Variants in CCDC88A observed in about 807,000 individuals in gnomAD.
CCDC88A encodes the protein girdin.
CCDC88A carries 54 observed loss-of-function variants against 234.3 expected under a neutral mutation model. The ratio of observed to expected loss-of-function variants is 0.23; its 90% CI spans 0.19 to 0.29. The LOEUF (loss-of-function observed/expected upper bound fraction) is 0.29, where lower values mean the gene tolerates loss of function less well. CCDC88A is among the 10% of genes least tolerant of loss of function. The pLI is 1.00. For missense variants in CCDC88A, 1,832 were observed against 2,123.4 expected (o/e 0.86, Z 2.70); for synonymous variants, 753 against 737.8 (o/e 1.02, Z -0.33).
intron 2 of CCDC88A, among the ~76,000 whole-genome samples, chr2:55,396,393 T>A (rs1245905820): frequency 1.3e-5 from 2 of 152,216 alleles, no homozygotes; most frequent in Non-Finnish European, 2.9e-5. Context: ...CATCTATGAC[T>A]GTCTCCTATT....
chr2:55,364,601 T>C (rs1004875134), intron 5 of CCDC88A, among the ~76,000 whole-genome samples: 1 of 152,094 alleles, frequency 6.6e-6, no homozygotes, highest in Non-Finnish European at 1.5e-5. Context: ...CTAATAAATA[T>C]TTGATTTGTT....
Position 55,290,011 on chromosome 2 carries a change from ATGAG to A in CCDC88A, c.*1185_*1188del, listed in dbSNP as rs754755044. On this transcript the variant is annotated 3_prime_UTR_variant, in exon 33 of 33. Coordinates refer to ENST00000436346, the MANE Select transcript of CCDC88A (RefSeq NM_001365480.1). Reference sequence around the variant, plus strand: ...GATGTTAAATAATGAATTTGCATTAATGAGTATCAATGCATTTTTTGATTTCATA... The same window carrying A: ...GATGTTAAATAATGAATTTGCATTAATATCAATGCATTTTTTGATTTCATA... 26 of 152,722 alleles carry A rather than the reference ATGAG, an allele frequency of 1.7e-4. No individual in the cohort carries two copies. Among genetic ancestry groups the A allele is most frequent in the Non-Finnish European group, 1.6e-4 (11 of 67,974 alleles). The allele number at this position is 152,722 out of a possible 1,614,324, so 9.5% of individuals were successfully genotyped here.
intron 5 of CCDC88A, 56 bp downstream of exon 5, chr2:55,372,396 T>C (rs1672979290): frequency 1.2e-6 from 1 of 857,924 alleles, no homozygotes; most frequent in East Asian, 2.6e-5. Context: ...TACAGCCTGA[T>C]AAAAATATAT....
chr2:55,336,078 T>C (rs1448352720), intron 14 of CCDC88A, among the ~76,000 whole-genome samples: 1 of 152,024 alleles, frequency 6.6e-6, no homozygotes, highest in Non-Finnish European at 1.5e-5. Context: ...TGGTGGTGCA[T>C]GCCTGTAGTC....
intron 9 of CCDC88A, chr2:55,349,244 A>C (rs1221846742): frequency 8.3e-6 from 3 of 361,976 alleles, no homozygotes; most frequent in Non-Finnish European, 9.8e-6. Context: ...AAGGCCACAG[A>C]AGCCAAACAC....
intron 5 of CCDC88A, 85 bp downstream of exon 5, chr2:55,372,367 C>G: frequency 1.5e-6 from 1 of 669,868 alleles, no homozygotes; most frequent in Non-Finnish European, 2.6e-6. Flanking sequence ...AATGGTCCAT[C>G]CTTAAGTCTT....
intron 2 of CCDC88A, among the ~76,000 whole-genome samples, chr2:55,409,488 C>G (rs1680109434): frequency 6.6e-6 from 1 of 152,198 alleles, no homozygotes; most frequent in African/African-American, 2.4e-5. Flanking sequence ...TTTACATGCA[C>G]CTCCCCCTTA....
rs879787540 is a variant in CCDC88A, at chr2:55,419,300, G to C, written c.-221C>G. 12 of 530,122 alleles carry C rather than the reference G, an allele frequency of 2.3e-5. No homozygotes were observed. Among genetic ancestry groups the C allele is most frequent in the Non-Finnish European group, 3.7e-5 (11 of 295,276 alleles). 32.8% of individuals were successfully genotyped at this position (530,122 alleles called of 1,614,324 possible). ...GCTTCGACGACGGACACCACGAGCA[G>C]CAGCCTGCGCTGGAAATGTCTGTAC... On this transcript the variant is annotated 5_prime_UTR_variant, in exon 1 of 33. Coordinates refer to ENST00000436346, the MANE Select transcript of CCDC88A (RefSeq NM_001365480.1).
chr2:55,400,425 C>G (rs1179801960), intron 2 of CCDC88A, among the ~76,000 whole-genome samples: 2 of 152,154 alleles, frequency 1.3e-5, no homozygotes, highest in Non-Finnish European at 2.9e-5. Context: ...AGCAATATGG[C>G]TCAAATCTGT....
At chr2:55,406,304 A>T (rs1054432586) in intron 2 of CCDC88A, 3 of 152,236 alleles carry the variant, frequency 2.0e-5, no homozygotes, top group Non-Finnish European at 4.4e-5. Context: ...GAGAAAACTC[A>T]CCCCATTTTC....
rs1365115107 is a variant in CCDC88A at position 55,289,412 on chromosome 2, A to G, written c.*1788T>C. 1.3e-5 allele frequency: 2 copies of G among 152,582 alleles called. No individual in the cohort carries two copies. Among genetic ancestry groups the G allele is most frequent in the Non-Finnish European group, 2.9e-5 (2 of 68,022 alleles). 9.5% of individuals were successfully genotyped at this position (152,582 alleles called of 1,614,324 possible). A position where few individuals can be genotyped will look rare whatever the true frequency, so the allele number is the denominator to read the frequency against. On this transcript the variant is annotated 3_prime_UTR_variant, in exon 33 of 33. Coordinates refer to ENST00000436346, the MANE Select transcript of CCDC88A (RefSeq NM_001365480.1). Reference sequence around the variant, plus strand: ...GCAATTGTCTCTAGACTGCTCTGATACCTATTACCAATGTGCTACTTGAAT... The same window carrying G: ...GCAATTGTCTCTAGACTGCTCTGATGCCTATTACCAATGTGCTACTTGAAT...
In CCDC88A at chr2:55,335,162, A is replaced by C. The variant is rs761203439; in HGVS notation, c.1659T>G (p.Ile553Met). The change falls in exon 15 of 33, where the codon ATT (isoleucine) becomes ATG (methionine). Residue 553 changes from isoleucine (I) to methionine (M), a missense_variant and splice_region_variant. Ile to Met is a conservative substitution (Grantham distance 10). This residue lies in a region of CCDC88A where 1,282 missense variants were observed against 1,543.6 expected (regional missense o/e 0.83). Transcript: ENST00000436346. The surrounding 1 kb of genome is among the most constrained non-coding windows in gnomAD (Gnocchi z 4.5). ...GTTCATTTTCCTGTTCCAGTATCTTAATCTAATTTGAAAAGAAAATAATTA... is the reference window on the plus strand; with the variant it reads ...GTTCATTTTCCTGTTCCAGTATCTTCATCTAATTTGAAAAGAAAATAATTA... Reference protein sequence around the residue: ...ETLRENSERQIKILEQENEHL... With the variant: ...ETLRENSERQMKILEQENEHL... The C allele has an allele frequency of 2.7e-6, 4 of 1,466,126 alleles. No homozygotes were observed. The South Asian group carries it at 6.4e-5, about 23-fold the overall frequency. The allele number at this position is 1,466,126 out of a possible 1,614,324, so 90.8% of individuals were successfully genotyped here. A position where few individuals can be genotyped will look rare whatever the true frequency, so the allele number is the denominator to read the frequency against.
intron 23 of CCDC88A, among the ~76,000 whole-genome samples, chr2:55,310,713 G>T (rs1020933447): frequency 1.3e-5 from 2 of 152,200 alleles, no homozygotes; most frequent in African/African-American, 4.8e-5. Flanking sequence ...GATGCCTTGT[G>T]AACAGATGTT....
At chr2:55,356,421 C>T (rs1325364106) in intron 7 of CCDC88A, 2 of 147,042 alleles carry the variant, frequency 1.4e-5, no homozygotes, top group African/African-American at 5.4e-5. Flanking sequence ...GGGTTCATTC[C>T]ATGTCTTTAC....
intron 26 of CCDC88A, chr2:55,302,848 T>C (rs888593684): frequency 3.8e-5 from 13 of 341,188 alleles, no homozygotes; most frequent in South Asian, 1.7e-4. Context: ...GTAAGTTACA[T>C]GTATGACTAG....
intron 2 of CCDC88A, among the ~76,000 whole-genome samples, chr2:55,409,889 C>T (rs1423370953): frequency 1.3e-5 from 2 of 151,840 alleles, no homozygotes; most frequent in Non-Finnish European, 2.9e-5. Context: ...TACAGGGGCC[C>T]GCCAACATGC....
Position 55,334,340 on chromosome 2 carries a change from C to G in CCDC88A, c.2481G>C (p.Leu827=), listed in dbSNP as rs752154109. Residue 827 remains leucine, a synonymous_variant, in exon 15 of 33, where the codon CTG becomes CTC. Coordinates refer to ENST00000436346, the MANE Select transcript of CCDC88A (RefSeq NM_001365480.1). The surrounding 1 kb of genome is among the most constrained non-coding windows in gnomAD (Gnocchi z 6.1). ...NKSLEQETSQ[L]EKDKKQLEKE... is the part of the protein sequence containing the mutation. ...TCTCCAATTGTTTCTTATCCTTTTCCAGTTGAGAAGTCTCTTGCTCTAATG... is the reference window on the plus strand; with the variant it reads ...TCTCCAATTGTTTCTTATCCTTTTCGAGTTGAGAAGTCTCTTGCTCTAATG... The G allele has an allele frequency of 6.6e-7, 1 of 1,512,386 alleles. No individual in the cohort carries two copies. Among genetic ancestry groups the G allele is most frequent in the Non-Finnish European group, 8.8e-7 (1 of 1,137,778 alleles). The allele number at this position is 1,512,386 out of a possible 1,614,324, so 93.7% of individuals were successfully genotyped here.
At chr2:55,412,798 T>C (rs1680706102) in intron 2 of CCDC88A, among the ~76,000 whole-genome samples, 1 of 152,240 alleles carries the variant, frequency 6.6e-6, no homozygotes, top group Admixed American at 6.5e-5. Context: ...ACATACATTA[T>C]TCTATTTGAT....
chr2:55,340,637 A>G (rs1668356931), intron 12 of CCDC88A, among the ~76,000 whole-genome samples: 1 of 152,236 alleles, frequency 6.6e-6, no homozygotes, highest in Non-Finnish European at 1.5e-5. Flanking sequence ...GCAACTAATG[A>G]ACGATTAAAT....
Sources: gnomAD v4.1 joint callset for allele counts (sites outside exome capture counted in the v4.1 genomes callset) on GRCh38, gnomAD v4.1.1 for gene constraint, gnomAD v4.1.1 regional missense constraint, Gnocchi (gnomAD v3.1) non-coding constraint, MANE v1.5 for transcripts, NCBI Gene and HGNC (gene_info 2026-07-23, HGNC 2026-07-21) for gene names.